FAN1: variants seen among roughly 807,000 people sequenced by gnomAD.
FAN1 encodes the protein fanconi-associated nuclease 1.
A neutral mutation model predicts 104.9 loss-of-function variants in FAN1; 91 were observed. The ratio of observed to expected loss-of-function variants is 0.87; its 90% confidence interval spans 0.73 to 1.03. The LOEUF is 1.03. Among genes scored for constraint, FAN1 ranks in the 50% least tolerant of loss-of-function variants. The pLI is 0.00. For synonymous variants in FAN1, 478 were observed against 457.6 expected, an observed-to-expected ratio of 1.04 and a Z score of -0.57; for missense variants, 1,263 against 1,239.9, an observed-to-expected ratio of 1.02 and a Z score of -0.28.
chr15:30,935,321 AAAAG>A (rs771199448), intron 13 of FAN1, among the ~76,000 whole-genome samples: 9 of 150,672 alleles, frequency 6.0e-5, no homozygotes, highest in Non-Finnish European at 1.0e-4. Flanking sequence ...AAAAAAGAAA[AAAAG>A]AAAAAGAAAA....
chr15:30,937,182 C>G lies in FAN1; in HGVS notation c.2980C>G (p.Leu994Val). The change falls in exon 14 of 15, where the codon CTG (leucine) becomes GTG (valine). Residue 994 changes from leucine to valine, a missense_variant. This residue lies in a region of FAN1 where 581 missense variants were observed against 668.8 expected (regional missense o/e 0.87). Transcript: ENST00000362065. ...TAAGCAGATGATCTGGCTGGCTGAA[C>G]TGCAGAAGCTGGGGGCTGAAGTAGA... ...SHKQMIWLAELQKLGAEVEVC... is the reference protein window; with the variant it reads ...SHKQMIWLAEVQKLGAEVEVC... 1 of 1,614,112 alleles carries G rather than the reference C, an allele frequency of 6.2e-7. No homozygotes were observed. Among genetic ancestry groups the G allele is most frequent in the Non-Finnish European group, 8.5e-7 (1 of 1,179,968 alleles).
chr15:30,941,927 T>A lies in FAN1; in HGVS notation c.*365T>A. On this transcript the variant is annotated 3_prime_UTR_variant, in exon 15 of 15. Coordinates refer to ENST00000362065, the MANE Select transcript of FAN1 (RefSeq NM_014967.5). The stretch of plus-strand genomic sequence containing the variant: ...CCATTCTCTAAAATACTGCTCCGTA[T>A]CACTGTTCTGGCTGTCGGTTTGCTG... 1 of 1,614,042 alleles carries A rather than the reference T, an allele frequency of 6.2e-7. No individual in the cohort carries two copies. Among genetic ancestry groups the A allele is most frequent in the Non-Finnish European group, 8.5e-7 (1 of 1,179,894 alleles).
chr15:30,910,140 G>A (rs1388406499), intron 3 of FAN1, among the ~76,000 whole-genome samples: 1 of 152,224 alleles, frequency 6.6e-6, no homozygotes, highest in Non-Finnish European at 1.5e-5. Flanking sequence ...TGACTGAGCC[G>A]AATTCCTAGG....
chr15:30,905,986 C>T, intron 2 of FAN1, 89 bp downstream of exon 2: 1 of 1,235,604 alleles, frequency 8.1e-7, no homozygotes, highest in Non-Finnish European at 1.1e-6. Context: ...AATCTAGTGA[C>T]CGCAAGGAGT....
chr15:30,937,077 C>A, intron 13 of FAN1, 42 bp from the exon 14 acceptor site: 8 of 1,551,772 alleles, frequency 5.2e-6, no homozygotes, highest in Non-Finnish European at 7.0e-6. Flanking sequence ...GCTTTTCATT[C>A]AGTAAGATAC....
intron 5 of FAN1, among the ~76,000 whole-genome samples, chr15:30,917,126 A>AACT (rs2062213629): frequency 1.3e-5 from 2 of 152,170 alleles, no homozygotes; most frequent in Admixed American, 6.5e-5. Flanking sequence ...TGGAAGCAGT[A>AACT]AAGACAAGAC....
chr15:30,928,186 G>GCCCAGCCCTGCTAAGT (rs1406309349), intron 10 of FAN1: 3 of 1,020,396 alleles, frequency 2.9e-6, no homozygotes, highest in Admixed American at 5.6e-5. Flanking sequence ...TTCTGTGCCA[G>GCCCAGCCCTGCTAAGT]CCCAGCCCTG....
At chr15:30,919,692 GAAAA>G (rs57795513) in intron 6 of FAN1, among the ~76,000 whole-genome samples, 1 of 129,372 alleles carries the variant, frequency 7.7e-6, no homozygotes. Flanking sequence ...CTGTCTCGGG[GAAAA>G]AAAAAAAAAA....
intron 5 of FAN1, among the ~76,000 whole-genome samples, chr15:30,917,029 A>C (rs1177872261): frequency 6.6e-6 from 1 of 152,218 alleles, no homozygotes; most frequent in African/African-American, 2.4e-5. Context: ...GGAGGAACTC[A>C]GGAGACCCCT....
At chr15:30,912,473 C>T (rs536561283) in intron 4 of FAN1, among the ~76,000 whole-genome samples, 5 of 152,342 alleles carry the variant, frequency 3.3e-5, no homozygotes, top group African/African-American at 4.8e-5. Context: ...GGGGCATCCC[C>T]GGGACTCTGC....
chr15:30,940,286 A>G, intron 14 of FAN1: 1 of 973,564 alleles, frequency 1.0e-6, no homozygotes, highest in Middle Eastern at 5.3e-4. Flanking sequence ...ACTTTACTTT[A>G]GAGAGATTCA....
Position 30,910,611 on chromosome 15 carries a change from C to T in FAN1, c.1376-3C>T. The T allele has an allele frequency of 6.6e-7, 1 of 1,505,788 alleles. No individual in the cohort carries two copies. Among genetic ancestry groups the T allele is most frequent in the East Asian group, 2.4e-5 (1 of 41,894 alleles). 93.3% of individuals were successfully genotyped at this position (1,505,788 alleles called of 1,614,324 possible). A position where few individuals can be genotyped will look rare whatever the true frequency, so the allele number is the denominator to read the frequency against. The stretch of plus-strand genomic sequence containing the variant: ...AAAAAACTTTTTTTTTTAACCATTT[C>T]AGAATCTGAGTTGCAAGAACTCTCT... On this transcript the variant is annotated splice_polypyrimidine_tract_variant and splice_region_variant and intron_variant, in intron 3 of 14. Coordinates refer to ENST00000362065, the MANE Select transcript of FAN1 (RefSeq NM_014967.5).
chr15:30,906,609 A>G (rs193254459), intron 2 of FAN1: 13 of 438,996 alleles, frequency 3.0e-5, no homozygotes, highest in South Asian at 1.7e-4. Flanking sequence ...TGGTAGTCAC[A>G]CTGTCGTTTA....
At chr15:30,923,767 G>C (rs1382729050) in intron 8 of FAN1, among the ~76,000 whole-genome samples, 1 of 152,196 alleles carries the variant, frequency 6.6e-6, no homozygotes, top group Non-Finnish European at 1.5e-5. Context: ...CTCAACTCTG[G>C]ATGGCCTGAG....
At chr15:30,938,803 G>T in intron 14 of FAN1, 2 of 606,508 alleles carry the variant, frequency 3.3e-6, no homozygotes, top group South Asian at 1.5e-4. Flanking sequence ...GTTAAAAAAA[G>T]TTACTGATCA....
At position 30,905,348 on chromosome 15, in the gene FAN1, C is replaced by T. The variant is rs148140498; in HGVS notation, c.685C>T (p.His229Tyr). 6.8e-6 allele frequency: 11 copies of T among 1,613,660 alleles called. No homozygotes were observed. The African/African-American group carries it at 1.3e-4, about 20-fold the overall frequency. The change falls in exon 2 of 15, where the codon CAT (histidine) becomes TAT (tyrosine). Residue 229 changes from histidine (H) to tyrosine (Y), a missense_variant. Transcript: ENST00000362065. ...TCTAAAGGAAGAGTGCATTCCTGAA[C>T]ATATGGTAAGAGGAAGTAAAATAAT... ...DSLKEECIPEHMVRGSKIMEA... is the reference protein window; with the variant it reads ...DSLKEECIPEYMVRGSKIMEA...
chr15:30,941,734 GTCGACT>G lies in FAN1; in HGVS notation c.*175_*180del. On this transcript the variant is annotated 3_prime_UTR_variant, in exon 15 of 15. Coordinates refer to ENST00000362065, the MANE Select transcript of FAN1 (RefSeq NM_014967.5). ...GTTGCCGCAGCATCCTGCTCAGTAC[GTCGACT>G]TCATCAGCCAGGAGGGAGAGCTTGT... 1 of 1,613,966 alleles carries G rather than the reference GTCGACT, an allele frequency of 6.2e-7. No homozygotes were observed. Among genetic ancestry groups the G allele is most frequent in the Non-Finnish European group, 8.5e-7 (1 of 1,179,884 alleles).
intron 14 of FAN1, chr15:30,939,928 TTAAGA>T (rs1434358742): frequency 6.1e-6 from 6 of 985,288 alleles, no homozygotes; most frequent in Non-Finnish European, 7.2e-6. Flanking sequence ...AGTGAATTTC[TTAAGA>T]TATTTTTTAA....
rs146773022 is a variant in FAN1 at position 30,924,882 on chromosome 15, T to C, written c.2173-245T>C. Among the ~76,000 whole-genome samples the C allele has an allele frequency of 1.6e-4, 24 of 152,324 alleles. No individual in the cohort carries two copies. In the East Asian group the frequency reaches 4.6e-3, roughly 29 times the overall value. ...GTGAGGGGCAGCTGCTGGGATCCACTGTCCACCTGGATTACAGCCCGGTCA... is the reference window on the plus strand; with the variant it reads ...GTGAGGGGCAGCTGCTGGGATCCACCGTCCACCTGGATTACAGCCCGGTCA... On this transcript the variant is annotated intron_variant, in intron 8 of 14. Coordinates refer to ENST00000362065, the MANE Select transcript of FAN1 (RefSeq NM_014967.5).
Sources: allele counts gnomAD v4.1 joint callset (sites outside exome capture counted in the v4.1 genomes callset), GRCh38; gene constraint gnomAD v4.1.1; regional missense constraint gnomAD v4.1.1; transcripts MANE v1.5; gene names NCBI Gene and HGNC (gene_info 2026-07-23, HGNC 2026-07-21).